Variants in CSNK1A1 observed in about 807,000 individuals in gnomAD.
CSNK1A1 encodes casein kinase 1 alpha 1.
CSNK1A1 carries 7 observed loss-of-function variants against 46.1 expected under a neutral mutation model. The observed-to-expected ratio is 0.15, with a 90% CI of 0.09 to 0.29. The LOEUF (loss-of-function observed/expected upper bound fraction) is 0.29. CSNK1A1 is among the 10% of genes least tolerant of loss of function. The probability of loss-of-function intolerance (pLI) is 1.00; values close to 1 mark genes in which losing one functional copy is unlikely to be tolerated. For synonymous variants in CSNK1A1, 137 were observed against 141.5 expected, an observed-to-expected ratio of 0.97 and a Z score of 0.23; for missense variants, 96 against 417.1, an observed-to-expected ratio of 0.23 and a Z score of 6.71.
chr5:149,548,136 G>A (rs1762536839), intron 2 of CSNK1A1, among the ~76,000 whole-genome samples: 1 of 152,072 alleles, frequency 6.6e-6, no homozygotes, highest in Non-Finnish European at 1.5e-5. Flanking sequence ...CTCCCAAAGT[G>A]CTTGGATTAC....
chr5:149,538,014 GTTTT>G (rs890909710), intron 2 of CSNK1A1, among the ~76,000 whole-genome samples: 3 of 85,724 alleles, frequency 3.5e-5, no homozygotes, highest in Non-Finnish European at 6.2e-5. Flanking sequence ...AGTGTGCCCA[GTTTT>G]TTTTTTTTTT....
Position 149,513,220 on chromosome 5 carries a change from G to A in CSNK1A1, c.457-11C>T, listed in dbSNP as rs765004676. 1 of 1,608,254 alleles carries A rather than the reference G, an allele frequency of 6.2e-7. No homozygotes were observed. The highest frequency in any genetic ancestry group is 8.5e-7 in the Non-Finnish European group (1 of 1,177,130). On this transcript the variant is annotated splice_polypyrimidine_tract_variant and intron_variant, in intron 4 of 9. Coordinates refer to ENST00000377843, the MANE Select transcript of CSNK1A1 (RefSeq NM_001892.6). ...ATCAATAAGGAATAACTTTAAAAGA[G>A]AAATACAGAAACATTAGGTTTCCAA...
Position 149,493,126 on chromosome 5 carries a change from A to C in CSNK1A1, c.*3727T>G, listed in dbSNP as rs1243362778. On this transcript the variant is annotated 3_prime_UTR_variant, in exon 10 of 10. Transcript: ENST00000377843. ...CACTGCAACGCCCAGGCTGGAGTGC[A>C]GTGGCACGATCTCAGCTCACTGCAA... 1 of 152,320 alleles carries C rather than the reference A, an allele frequency of 6.6e-6. No homozygotes were observed. Among genetic ancestry groups the C allele is most frequent in the African/African-American group, 2.4e-5 (1 of 41,468 alleles). The allele number at this position is 152,320 out of a possible 1,614,324, so 9.4% of individuals were successfully genotyped here.
chr5:149,546,646 C>T (rs1454961859), intron 2 of CSNK1A1, among the ~76,000 whole-genome samples: 1 of 149,868 alleles, frequency 6.7e-6, no homozygotes, highest in African/African-American at 2.4e-5. Context: ...AAAAAAAAAG[C>T]AAATCCTATA....
chr5:149,500,574 G>C (rs1408135579), intron 9 of CSNK1A1, among the ~76,000 whole-genome samples: 2 of 151,998 alleles, frequency 1.3e-5, no homozygotes, highest in Non-Finnish European at 2.9e-5. Flanking sequence ...ACCGCACCCG[G>C]CCTTTTTTTT....
chr5:149,531,674 C>T (rs1489756552), intron 2 of CSNK1A1, among the ~76,000 whole-genome samples: 2 of 146,956 alleles, frequency 1.4e-5, no homozygotes, highest in Non-Finnish European at 3.0e-5. Flanking sequence ...ATGGCAAAAC[C>T]CTGTCTCTAC....
At chr5:149,547,995 C>T (rs931722121) in intron 2 of CSNK1A1, among the ~76,000 whole-genome samples, 1 of 151,972 alleles carries the variant, frequency 6.6e-6, no homozygotes, top group Admixed American at 6.6e-5. Flanking sequence ...TTCAGCCTCC[C>T]GAGTAGCTGG....
At chr5:149,545,263 T>C (rs1334280080) in intron 2 of CSNK1A1, 1 of 229,460 alleles carries the variant, frequency 4.4e-6, no homozygotes, top group East Asian at 9.7e-5. Context: ...TCTTTCTTTT[T>C]TTTTCCCCTG....
At position 149,505,453 on chromosome 5, in the gene CSNK1A1, T is replaced by C. The variant is rs767860830; in HGVS notation, c.1000A>G (p.Met334Val). 2.5e-6 allele frequency: 4 copies of C among 1,613,904 alleles called. No homozygotes were observed. The highest frequency in any genetic ancestry group is 1.7e-5 in the Admixed American group (1 of 59,976). ...GKQTDKTKSN[M>V]KGF ...TTGGTTCTTGGCTACTAACCTTTCA[T>C]GTTACTCTTGGTTTTGTCAGTTTGC... The change falls in exon 9 of 10, where the codon ATG becomes GTG. Residue 334 changes from methionine to valine, a missense_variant. Met to Val is a conservative substitution (Grantham distance 21). Coordinates refer to ENST00000377843, the MANE Select transcript of CSNK1A1 (RefSeq NM_001892.6).
At position 149,505,434 on chromosome 5, in the gene CSNK1A1, C is replaced by T; in HGVS notation, c.1006+13G>A. On this transcript the variant is annotated intron_variant, in intron 9 of 9. Transcript: ENST00000377843. ...TTTTTCCCTGTAACGTCACTTGGTT[C>T]TTGGCTACTAACCTTTCATGTTACT... 1 of 1,608,712 alleles carries T rather than the reference C, an allele frequency of 6.2e-7. No individual in the cohort carries two copies.
intron 5 of CSNK1A1, among the ~76,000 whole-genome samples, chr5:149,512,357 G>A (rs567978993): frequency 1.3e-5 from 2 of 152,126 alleles, no homozygotes; most frequent in East Asian, 3.9e-4. Flanking sequence ...TTGGCGTACA[G>A]AAAAAGTGAC....
At chr5:149,523,894 T>C (rs894696305) in intron 3 of CSNK1A1, among the ~76,000 whole-genome samples, 2 of 152,230 alleles carry the variant, frequency 1.3e-5, no homozygotes, top group Non-Finnish European at 2.9e-5. Context: ...TACTATACTA[T>C]GTAATACTAG....
chr5:149,512,486 G>A (rs1352620572), intron 5 of CSNK1A1, among the ~76,000 whole-genome samples: 1 of 152,038 alleles, frequency 6.6e-6, no homozygotes, highest in Non-Finnish European at 1.5e-5. Flanking sequence ...TTACTTCTAT[G>A]CTAGTTTTAA....
At position 149,511,800 on chromosome 5, in the gene CSNK1A1, C is replaced by T. The variant is rs1401012965; in HGVS notation, c.669G>A (p.Gly223=). 1.2e-6 allele frequency: 2 copies of T among 1,602,326 alleles called. No individual in the cohort carries two copies. The highest frequency in any genetic ancestry group is 2.2e-5 in the East Asian group (1 of 44,518). ...TAATGTGAGTCTGGTTTACCTTTAG[C>T]CCTTGCCATGGCAGGCTGGTTCTAT... is the stretch of plus-strand genomic sequence containing the variant. ...YFNRTSLPWQ[G]LKAATKKQKY... Residue 223 remains glycine, a synonymous_variant, in exon 6 of 10, where the codon GGG becomes GGA. Coordinates refer to ENST00000377843, the MANE Select transcript of CSNK1A1 (RefSeq NM_001892.6).
chr5:149,549,863 G>A (rs1762600754), intron 2 of CSNK1A1, among the ~76,000 whole-genome samples: 1 of 152,178 alleles, frequency 6.6e-6, no homozygotes, highest in Non-Finnish European at 1.5e-5. Context: ...TGACGGAAGC[G>A]AAATGGAGCA....
chr5:149,507,203 T>G (rs1214850477), intron 7 of CSNK1A1, 70 bp from the exon 8 acceptor site: 1 of 1,194,872 alleles, frequency 8.4e-7, no homozygotes, highest in African/African-American at 1.5e-5. Context: ...TGCATTTAAG[T>G]ATAAGCAAAA....
rs1342993866 is a variant in CSNK1A1, at chr5:149,495,196, CTAAAG to C, written c.*1652_*1656del. On this transcript the variant is annotated 3_prime_UTR_variant, in exon 10 of 10. Coordinates refer to ENST00000377843, the MANE Select transcript of CSNK1A1 (RefSeq NM_001892.6). ...GTGATAATCATGGAATTAATTATTG[CTAAAG>C]TAGTTTTCAAATAAAAAAAAGAAAA... 1 of 151,852 alleles carries C rather than the reference CTAAAG, an allele frequency of 6.6e-6. No homozygotes were observed. Among genetic ancestry groups the C allele is most frequent in the Non-Finnish European group, 1.5e-5 (1 of 68,002 alleles). The allele number at this position is 151,852 out of a possible 1,614,324, so 9.4% of individuals were successfully genotyped here.
At chr5:149,519,744 A>T (rs1761511654) in intron 4 of CSNK1A1, among the ~76,000 whole-genome samples, 1 of 152,184 alleles carries the variant, frequency 6.6e-6, no homozygotes, top group Non-Finnish European at 1.5e-5. Flanking sequence ...AAAACTGTCA[A>T]CTACTTTTGA....
Position 149,544,758 on chromosome 5 carries a change from T to TATACACAC in CSNK1A1, c.230+5316_230+5317insGTGTGTAT, listed in dbSNP as rs1554118057. On this transcript the variant is annotated intron_variant, in intron 2 of 9. Transcript: ENST00000377843. ...AGCTTTATATATATATATATATATA[T>TATACACAC]ATATATAGTTATTGACCAATCATGT... Among the ~76,000 whole-genome samples the TATACACAC allele has an allele frequency of 1.5e-3, 197 of 129,264 alleles. 2 individuals carry two copies. The highest frequency in any genetic ancestry group is 2.4e-3 in the South Asian group (10 of 4,230). The allele number at this position is 129,264 out of a possible 152,430, so 84.8% of individuals were successfully genotyped here.
Sources: allele counts gnomAD v4.1 joint callset (sites outside exome capture counted in the v4.1 genomes callset), GRCh38; gene constraint gnomAD v4.1.1; transcripts MANE v1.5; gene names NCBI Gene and HGNC (gene_info 2026-07-23, HGNC 2026-07-21).